The following ANKRD54 variants were observed in gnomAD, a reference collection of about 807,000 sequenced individuals.
ANKRD54 encodes the protein ankyrin repeat domain-containing protein 54.
ANKRD54 carries 26 observed loss-of-function variants against 36.2 expected under a neutral mutation model. The ratio of observed to expected loss-of-function variants is 0.72; its 90% CI spans 0.53 to 1.00. ANKRD54 has a LOEUF of 1.00. Ranked by LOEUF, ANKRD54 falls within the 50% of genes least tolerant of loss-of-function variation. The pLI is 0.00. For missense variants in ANKRD54, 384 were observed against 424.3 expected, an observed-to-expected ratio of 0.91 and a Z score of 0.83; for synonymous variants, 209 against 188.4, an observed-to-expected ratio of 1.11 and a Z score of -0.89.
At chr22:37,832,072 G>A in intron 7 of ANKRD54, 55 bp from the exon 8 acceptor site, 1 of 1,538,946 alleles carries the variant, frequency 6.5e-7, no homozygotes, top group Middle Eastern at 2.0e-4. Context: ...CAGGGCTCCT[G>A]GGTCTCTTCC....
chr22:37,843,405 A>AGAGC (rs1318524018), intron 1 of ANKRD54, among the ~76,000 whole-genome samples: 1 of 152,210 alleles, frequency 6.6e-6, no homozygotes, highest in African/African-American at 2.4e-5. Context: ...CCTGGGCAAC[A>AGAGC]GAGCGAGACT....
chr22:37,841,547 C>T (rs539355412), intron 1 of ANKRD54, among the ~76,000 whole-genome samples: 3 of 146,920 alleles, frequency 2.0e-5, no homozygotes, highest in African/African-American at 7.6e-5. Context: ...CACACACACA[C>T]ACACACACAC....
intron 3 of ANKRD54, chr22:37,833,979 TATGCAGGTGTAGGA>T: frequency 1.9e-6 from 1 of 532,232 alleles, no homozygotes. Context: ...CCTCTTGGCC[TATGCAGGTGTAGGA>T]ATGAGATTTG....
At position 37,832,724 on chromosome 22, in the gene ANKRD54, C is replaced by T. The variant is rs1923043436; in HGVS notation, c.741G>A (p.Glu247=). 1.2e-6 allele frequency: 2 copies of T among 1,614,062 alleles called. No individual in the cohort carries two copies. Among genetic ancestry groups the T allele is most frequent in the African/African-American group, 2.7e-5 (2 of 74,930 alleles). The change falls in exon 7 of 8, where the codon GAG becomes GAA. Residue 247 remains glutamate, a synonymous_variant. Coordinates refer to ENST00000215941, the MANE Select transcript of ANKRD54 (RefSeq NM_138797.4). ...CATGTTGCCCTAGGCGCTCCAGATACTCCCTCAGCATATGGATGATCTGGA... is the reference window on the plus strand; with the variant it reads ...CATGTTGCCCTAGGCGCTCCAGATATTCCCTCAGCATATGGATGATCTGGA... The part of the protein sequence containing the change: ...EVKQIIHMLR[E]YLERLGQHEQ...
intron 4 of ANKRD54, 116 bp downstream of exon 4, chr22:37,833,567 AG>A (rs1394748671): frequency 9.0e-7 from 1 of 1,110,434 alleles, no homozygotes. Context: ...GTGCAGGCCT[AG>A]GATCTTCCCT....
intron 1 of ANKRD54, among the ~76,000 whole-genome samples, chr22:37,842,790 G>A (rs1045367833): frequency 1.3e-5 from 2 of 152,162 alleles, no homozygotes; most frequent in African/African-American, 2.4e-5. Context: ...AGTCCTGGAA[G>A]AAATCCCCAA....
At chr22:37,847,149 G>A (rs576068649), upstream of ANKRD54, among the ~76,000 whole-genome samples, 7 of 150,704 alleles carry the variant, frequency 4.6e-5, no homozygotes, top group South Asian at 1.3e-3. Flanking sequence ...CACCGCGCCC[G>A]GCCAATTTCT....
chr22:37,849,261 G>C (rs1029945045), upstream of ANKRD54: 16 of 677,302 alleles, frequency 2.4e-5, no homozygotes, highest in Admixed American at 1.1e-4. Context: ...CAAACTGGTG[G>C]GGTTACAGGT....
intron 3 of ANKRD54, among the ~76,000 whole-genome samples, chr22:37,837,195 T>A (rs1038542560): frequency 6.6e-6 from 1 of 152,082 alleles, no homozygotes; most frequent in African/African-American, 2.4e-5. Context: ...CTTACACTGC[T>A]GGTGGGGAGT....
intron 2 of ANKRD54, among the ~76,000 whole-genome samples, chr22:37,838,837 C>T (rs183288046): frequency 3.9e-4 from 59 of 152,200 alleles, no homozygotes; most frequent in Middle Eastern, 3.4e-3. Context: ...GATAGAACAT[C>T]GTAGGAGGTT....
At chr22:37,848,150 T>C (rs1260707725), upstream of ANKRD54, 1 of 153,044 alleles carries the variant, frequency 6.5e-6, no homozygotes, top group Non-Finnish European at 1.5e-5. Context: ...GTGTTGTGTA[T>C]GGGCAGATGG....
At chr22:37,840,818 T>A (rs1194170335) in intron 1 of ANKRD54, among the ~76,000 whole-genome samples, 2 of 151,408 alleles carry the variant, frequency 1.3e-5, no homozygotes, top group Non-Finnish European at 2.9e-5. Context: ...ACCCAGGACA[T>A]GGAGGTTGCA....
upstream of ANKRD54, among the ~76,000 whole-genome samples, chr22:37,846,417 C>G (rs1924848577): frequency 6.6e-6 from 1 of 152,186 alleles, no homozygotes; most frequent in Non-Finnish European, 1.5e-5. Flanking sequence ...TTCCTCCCAC[C>G]TCAGCCTCCT....
At chr22:37,841,892 T>TAAATA (rs200145365) in intron 1 of ANKRD54, among the ~76,000 whole-genome samples, 3,641 of 30,430 alleles carry the variant, frequency 0.12, 104 homozygotes, top group Middle Eastern at 0.17. Flanking sequence ...AATAAATAAA[T>TAAATA]AAATAAAATA....
At chr22:37,849,111 C>G (rs1331242168), upstream of ANKRD54, 2 of 438,414 alleles carry the variant, frequency 4.6e-6, no homozygotes, top group Non-Finnish European at 8.1e-6. Context: ...CTCAGCCTCC[C>G]GAGTAGCTGG....
At chr22:37,839,945 T>G (rs1403997091) in intron 2 of ANKRD54, among the ~76,000 whole-genome samples, 1 of 152,066 alleles carries the variant, frequency 6.6e-6, no homozygotes, top group Non-Finnish European at 1.5e-5. Flanking sequence ...CATCAAGGAG[T>G]CCACAGGGTG....
chr22:37,838,380 T>C, intron 3 of ANKRD54, 120 bp downstream of exon 3: 1 of 978,282 alleles, frequency 1.0e-6, no homozygotes, highest in Admixed American at 2.6e-5. Flanking sequence ...GTGCCAAGTC[T>C]TCCTTATATC....
Position 37,838,485 on chromosome 22 carries a change from C to T in ANKRD54, c.475+15G>A, listed in dbSNP as rs755830848. On this transcript the variant is annotated intron_variant, in intron 3 of 7. Transcript: ENST00000215941. ...CTTGCCTAGCCCTACTCCCTCCTCC[C>T]TCCCCAGGACTCACCAATCTGGTCA... is the stretch of plus-strand genomic sequence containing the variant. The T allele has an allele frequency of 1.2e-6, 2 of 1,605,040 alleles. No individual in the cohort carries two copies. Among genetic ancestry groups the T allele is most frequent in the East Asian group, 2.3e-5 (1 of 44,426 alleles).
Position 37,831,860 on chromosome 22 carries a change from C to G in ANKRD54, c.*83G>C, listed in dbSNP as rs1035885036. 16 of 1,449,972 alleles carry G rather than the reference C, an allele frequency of 1.1e-5. No homozygotes were observed. In the African/African-American group the frequency reaches 2.1e-4, roughly 19 times the overall value. The allele number at this position is 1,449,972 out of a possible 1,614,324, so 89.8% of individuals were successfully genotyped here. ...TCACCAGACAAGTGCAGCTCCAAGT[C>G]CCAGATGTTGGGCTTTTTCTTGGTA... is the stretch of plus-strand genomic sequence containing the variant. On this transcript the variant is annotated 3_prime_UTR_variant, in exon 8 of 8. Coordinates refer to ENST00000215941, the MANE Select transcript of ANKRD54 (RefSeq NM_138797.4).
Sources: allele counts gnomAD v4.1 joint callset (sites outside exome capture counted in the v4.1 genomes callset), GRCh38; gene constraint gnomAD v4.1.1; transcripts MANE v1.5; gene names NCBI Gene and HGNC (gene_info 2026-07-23, HGNC 2026-07-21).